The following FRY variants were observed in gnomAD, a reference collection of about 807,000 sequenced individuals.
FRY encodes protein furry homolog.
Under a neutral mutation model 348.4 loss-of-function variants are expected in FRY, and 128 were observed. That is an observed-to-expected ratio of 0.37 (90% CI 0.32 to 0.43). The LOEUF is 0.43. Ranked by LOEUF, FRY falls within the 20% of genes least tolerant of loss-of-function variation. The pLI, the probability that FRY is intolerant of heterozygous loss-of-function variation, is 1.00. For synonymous variants in FRY, 1,370 were observed against 1,374.7 expected (o/e 1.00, Z 0.08); for missense variants, 2,736 against 3,695.2 (o/e 0.74, Z 6.73).
At position 32,294,311 on chromosome 13, in the gene FRY, G is replaced by A. The variant is rs1889521125; in HGVS notation, c.8581-57G>A. The A allele has an allele frequency of 3.3e-6, 4 of 1,204,252 alleles. No individual in the cohort carries two copies. In the Admixed American group the frequency reaches 5.5e-5, roughly 16 times the overall value. The allele number at this position is 1,204,252 out of a possible 1,614,324, so 74.6% of individuals were successfully genotyped here. A position where few individuals can be genotyped will look rare whatever the true frequency, so the allele number is the denominator to read the frequency against. ...TAAGATCCTTTTTTTTTCCTTTTGG[G>A]ATGTAAAATTCCCCCAGCACCTAAA... On this transcript the variant is annotated intron_variant, in intron 59 of 60. Coordinates refer to ENST00000542859, the MANE Select transcript of FRY (RefSeq NM_023037.3).
chr13:32,173,611 A>T, intron 19 of FRY, 62 bp downstream of exon 19: 2 of 1,199,658 alleles, frequency 1.7e-6, no homozygotes, highest in South Asian at 1.2e-5. Flanking sequence ...AATTTAGATT[A>T]AAAACTACAA....
intron 17 of FRY, among the ~76,000 whole-genome samples, chr13:32,161,547 T>C (rs918975448): frequency 6.6e-6 from 1 of 152,164 alleles, no homozygotes; most frequent in African/African-American, 2.4e-5. Context: ...TACTATGGAC[T>C]GGGGAAGGCA....
intron 28 of FRY, among the ~76,000 whole-genome samples, chr13:32,191,020 A>G (rs756356534): frequency 1.3e-5 from 2 of 152,190 alleles, no homozygotes; most frequent in Admixed American, 6.5e-5. Context: ...GTATATGCAT[A>G]CATGGTTTAT....
In FRY at chr13:32,236,173, G is replaced by T; in HGVS notation, c.5810+1G>T. On this transcript the variant is annotated splice_donor_variant, in intron 43 of 60. Transcript: ENST00000542859. LOFTEE classifies it high-confidence loss of function. ...GTGACCTCCTAACTGTATTGTCCCGGTGAGAATCAGCTTAATGATACTTTG... is the reference window on the plus strand; with the variant it reads ...GTGACCTCCTAACTGTATTGTCCCGTTGAGAATCAGCTTAATGATACTTTG... 6.2e-7 allele frequency: 1 copy of T among 1,601,586 alleles called. No homozygotes were observed. Among genetic ancestry groups the T allele is most frequent in the Non-Finnish European group, 8.6e-7 (1 of 1,168,604 alleles).
intron 28 of FRY, among the ~76,000 whole-genome samples, chr13:32,188,318 C>T (rs1485957199): frequency 2.0e-5 from 3 of 152,082 alleles, no homozygotes; most frequent in Admixed American, 2.0e-4. Context: ...ACGTTCTCTA[C>T]ATTATTACCT....
At chr13:32,281,592 A>G (rs1357764639) in intron 58 of FRY, among the ~76,000 whole-genome samples, 5 of 152,174 alleles carry the variant, frequency 3.3e-5, no homozygotes, top group Admixed American at 2.0e-4. Context: ...CTTTGGCCCC[A>G]TTGTCAGTAT....
At chr13:32,176,230 C>A (rs954660086) in intron 20 of FRY, among the ~76,000 whole-genome samples, 2 of 152,142 alleles carry the variant, frequency 1.3e-5, no homozygotes, top group Non-Finnish European at 2.9e-5. Flanking sequence ...ATTTCCTGAA[C>A]AAGTGTAGAA....
intron 7 of FRY, among the ~76,000 whole-genome samples, chr13:32,126,372 T>C (rs1480412375): frequency 6.6e-6 from 1 of 152,252 alleles, no homozygotes; most frequent in Non-Finnish European, 1.5e-5. Context: ...TCTGAGTTGG[T>C]TGTGAATAAG....
At chr13:32,248,289 G>T (rs1886901051) in intron 48 of FRY, among the ~76,000 whole-genome samples, 1 of 152,106 alleles carries the variant, frequency 6.6e-6, no homozygotes, top group African/African-American at 2.4e-5. Flanking sequence ...TAAACCTGGT[G>T]TCAAATACTG....
rs1875284377 is a variant in FRY, at chr13:32,078,863, C to G, written c.100C>G (p.Pro34Ala). The G allele has an allele frequency of 6.2e-7, 1 of 1,614,060 alleles. No homozygotes were observed. Among genetic ancestry groups the G allele is most frequent in the Non-Finnish European group, 8.5e-7 (1 of 1,179,966 alleles). The change falls in exon 2 of 61, where the codon CCT (proline) becomes GCT (alanine). Residue 34 changes from proline to alanine, a missense_variant. Around this residue, in one of 9 missense-constraint regions of FRY, gnomAD observed 309 missense variants for 418.1 expected, o/e 0.74. Coordinates refer to ENST00000542859, the MANE Select transcript of FRY (RefSeq NM_023037.3). Reference protein sequence around the residue: ...TSPVGNGYIKPPVPPASGTHR... With the variant: ...TSPVGNGYIKAPVPPASGTHR... The stretch of plus-strand genomic sequence containing the variant: ...TCCCGTTGGCAACGGTTACATCAAG[C>G]CTCCGGTTCCACCTGCTTCTGGCAC...
In FRY at chr13:32,074,391, C is replaced by G. The variant is rs879634506; in HGVS notation, c.71-4443C>G. Among the ~76,000 whole-genome samples, 780 of 152,240 alleles carry G rather than the reference C, an allele frequency of 5.1e-3. 3 individuals are homozygous for G. The highest frequency in any genetic ancestry group is 0.017 in the Middle Eastern group (5 of 294). On this transcript the variant is annotated intron_variant, in intron 1 of 60. Coordinates refer to ENST00000542859, the MANE Select transcript of FRY (RefSeq NM_023037.3). Reference sequence around the variant, plus strand: ...GAAAATATAAAGAGAAGACAAATTTCAAACGGATTCAATAATTAGAAACCT... The same window carrying G: ...GAAAATATAAAGAGAAGACAAATTTGAAACGGATTCAATAATTAGAAACCT...
chr13:32,221,567 C>T (rs920534046), intron 36 of FRY, among the ~76,000 whole-genome samples: 1 of 152,212 alleles, frequency 6.6e-6, no homozygotes, highest in African/African-American at 2.4e-5. Flanking sequence ...GGCTATAGTG[C>T]AATGTCACGA....
intron 46 of FRY, among the ~76,000 whole-genome samples, chr13:32,241,725 TTTTAAAAAAATGGTTAAAAAGG>T (rs1048625730): frequency 6.6e-6 from 1 of 152,228 alleles, no homozygotes; most frequent in Non-Finnish European, 1.5e-5. Flanking sequence ...TTGATACACT[TTTTAAAAAAATGGTTAAAAAGG>T]TAAATTTTAT....
At chr13:32,111,997 G>A (rs1047062889) in intron 3 of FRY, among the ~76,000 whole-genome samples, 4 of 152,178 alleles carry the variant, frequency 2.6e-5, no homozygotes, top group African/African-American at 9.7e-5. Flanking sequence ...CAAGGCGCCA[G>A]GCAAAAGGCT....
intron 2 of FRY, among the ~76,000 whole-genome samples, chr13:32,081,209 T>C (rs1245705227): frequency 1.3e-5 from 2 of 152,350 alleles, no homozygotes; most frequent in East Asian, 1.9e-4. Flanking sequence ...TGTAAGTTCT[T>C]GTCATAAGGA....
At chr13:32,126,319 A>G (rs1251721106) in intron 7 of FRY, among the ~76,000 whole-genome samples, 1 of 152,224 alleles carries the variant, frequency 6.6e-6, no homozygotes, top group Non-Finnish European at 1.5e-5. Context: ...ATGCATAACA[A>G]TAATATTGGT....
In FRY at chr13:32,209,016, C is replaced by G; in HGVS notation, c.4182C>G (p.Asp1394Glu). The G allele has an allele frequency of 6.2e-7, 1 of 1,614,124 alleles. No homozygotes were observed. The highest frequency in any genetic ancestry group is 8.5e-7 in the Non-Finnish European group (1 of 1,180,020). ...ACGAAGTCAAGGACCGGGAAGGTGA[C>G]GTGACTGCTTCTCACGGGCTGAGAG... ...PEDEVKDREG[D>E]VTASHGLRGN... The change falls in exon 32 of 61, where the codon GAC becomes GAG. Residue 1394 changes from aspartate (D) to glutamate (E), a missense_variant. Physicochemically the swap from Asp to Glu is conservative, Grantham distance 45. Transcript: ENST00000542859.
intron 16 of FRY, among the ~76,000 whole-genome samples, chr13:32,158,815 G>A (rs1479959241): frequency 6.6e-6 from 1 of 151,976 alleles, no homozygotes; most frequent in Non-Finnish European, 1.5e-5. Context: ...CTACTCGGGA[G>A]GCTGAGGCAG....
chr13:32,166,941 T>C (rs77991342), intron 17 of FRY, among the ~76,000 whole-genome samples: 3,347 of 152,256 alleles, frequency 0.022, 58 homozygotes, highest in Non-Finnish European at 0.033. Context: ...ATGTAAACAC[T>C]GTCATTTTAA....
Sources: gnomAD v4.1 joint callset for allele counts (sites outside exome capture counted in the v4.1 genomes callset) on GRCh38, gnomAD v4.1.1 for gene constraint, gnomAD v4.1.1 regional missense constraint, MANE v1.5 for transcripts, NCBI Gene and HGNC (gene_info 2026-07-23, HGNC 2026-07-21) for gene names.